Variants in EHHADH observed in about 807,000 individuals in gnomAD.
EHHADH encodes the protein enoyl-CoA hydratase and 3-hydroxyacyl CoA dehydrogenase, also known as peroxisomal bifunctional enzyme.
EHHADH carries 48 observed loss-of-function variants against 64.4 expected under a neutral mutation model. That is an observed-to-expected ratio of 0.75 (90% CI 0.59 to 0.95). The LOEUF is 0.95. Ranked by LOEUF, EHHADH falls within the 40% of genes least tolerant of loss-of-function variation. The pLI is 0.00. For synonymous variants in EHHADH, 308 were observed against 326.7 expected (o/e 0.94, Z 0.62); for missense variants, 854 against 876.6 (o/e 0.97, Z 0.33).
At chr3:185,194,800 CAAAAAAAAAAAAAAA>C (rs34093153) in intron 6 of EHHADH, among the ~76,000 whole-genome samples, 1 of 29,302 alleles carries the variant, frequency 3.4e-5, no homozygotes, top group Non-Finnish European at 6.3e-5. Context: ...GACCCTGTCT[CAAAAAAAAAAAAAAA>C]AAAAAAAAAA....
chr3:185,207,014 A>G (rs2108631357), intron 5 of EHHADH, among the ~76,000 whole-genome samples: 1 of 151,518 alleles, frequency 6.6e-6, no homozygotes, highest in South Asian at 2.1e-4. Context: ...TTGGCTGGGC[A>G]CAGTAGCCCA....
chr3:185,220,909 T>A (rs757549083), intron 4 of EHHADH, among the ~76,000 whole-genome samples: 3 of 152,252 alleles, frequency 2.0e-5, no homozygotes, highest in Admixed American at 6.5e-5. Flanking sequence ...TTCCTAAAAT[T>A]GTGCAGACTA....
chr3:185,244,834 C>T (rs911920725), intron 2 of EHHADH, among the ~76,000 whole-genome samples: 1 of 152,170 alleles, frequency 6.6e-6, no homozygotes, highest in Admixed American at 6.5e-5. Context: ...AACTTCTATC[C>T]TCCAGAGCAA....
intron 5 of EHHADH, among the ~76,000 whole-genome samples, chr3:185,214,874 C>A (rs1054113766): frequency 2.6e-5 from 4 of 152,104 alleles, no homozygotes; most frequent in African/African-American, 4.8e-5. Flanking sequence ...GTGAGTATTA[C>A]TGTATACAAA....
chr3:185,218,079 T>G, intron 5 of EHHADH, 57 bp downstream of exon 5: 1 of 1,318,748 alleles, frequency 7.6e-7, no homozygotes, highest in Non-Finnish European at 1.1e-6. Flanking sequence ...GTTTCTTATT[T>G]AAATGAACAT....
At chr3:185,203,079 TA>T (rs11322724) in intron 6 of EHHADH, among the ~76,000 whole-genome samples, 104,190 of 150,970 alleles carry the variant, frequency 0.69, 38,112 homozygotes, top group Non-Finnish European at 0.82. Context: ...TAAAGATGGT[TA>T]AAAAAAAAGA....
intron 6 of EHHADH, among the ~76,000 whole-genome samples, chr3:185,200,806 G>C (rs1477280365): frequency 6.6e-6 from 1 of 152,110 alleles, no homozygotes; most frequent in Non-Finnish European, 1.5e-5. Flanking sequence ...GAACTTGCAG[G>C]GTTACTAATC....
intron 5 of EHHADH, among the ~76,000 whole-genome samples, chr3:185,212,435 A>G (rs1002949039): frequency 6.6e-6 from 1 of 152,204 alleles, no homozygotes; most frequent in African/African-American, 2.4e-5. Context: ...TTAACCTTCT[A>G]CACTCCCTTC....
chr3:185,197,222 T>C lies in EHHADH; in HGVS notation c.911-3735A>G, dbSNP rs138885388. Among the ~76,000 whole-genome samples the C allele has an allele frequency of 3.4e-3, 517 of 152,298 alleles. 6 individuals carry two copies. The highest frequency in any genetic ancestry group is 0.011 in the African/African-American group (469 of 41,548). On this transcript the variant is annotated intron_variant, in intron 6 of 6. Coordinates refer to ENST00000231887, the MANE Select transcript of EHHADH (RefSeq NM_001966.4). ...TTGATGTGACAATGGTTGCATAAACTCTGTCAATATCTAACAACCATTGAA... is the reference window on the plus strand; with the variant it reads ...TTGATGTGACAATGGTTGCATAAACCCTGTCAATATCTAACAACCATTGAA...
chr3:185,244,327 G>A (rs1719536291), intron 2 of EHHADH, among the ~76,000 whole-genome samples: 1 of 152,034 alleles, frequency 6.6e-6, no homozygotes, highest in African/African-American at 2.4e-5. Context: ...GAGGATTTAG[G>A]CCATTTATGT....
rs773036775 is a variant in EHHADH, at chr3:185,192,257, C to T, written c.2141G>A (p.Ser714Asn). Residue 714 changes from serine (S) to asparagine (N), a missense_variant, in exon 7 of 7, where the codon AGC becomes AAC. Coordinates refer to ENST00000231887, the MANE Select transcript of EHHADH (RefSeq NM_001966.4). Reference sequence around the variant, plus strand: ...TTTACTGCTAGGGGAGCCTGCCAAGCTTTGCCATTCTTTCAGGGGAGGGTT... The same window carrying T: ...TTTACTGCTAGGGGAGCCTGCCAAGTTTTGCCATTCTTTCAGGGGAGGGTT... ...QGNPPLKEWQSLAGSPSSKL is the reference protein window; with the variant it reads ...QGNPPLKEWQNLAGSPSSKL 2.5e-6 allele frequency: 4 copies of T among 1,613,754 alleles called. No individual in the cohort carries two copies. The African/African-American group carries it at 5.3e-5, about 22-fold the overall frequency.
chr3:185,193,223 A>T lies in EHHADH; in HGVS notation c.1175T>A (p.Val392Asp). 6.2e-7 allele frequency: 1 copy of T among 1,607,678 alleles called. No homozygotes were observed. Among genetic ancestry groups the T allele is most frequent in the Non-Finnish European group, 8.5e-7 (1 of 1,177,696 alleles). The change falls in exon 7 of 7, where the codon GTC becomes GAC. Residue 392 changes from valine to aspartate, a missense_variant. Val to Asp is a radical substitution (Grantham distance 152, BLOSUM62 -3). Transcript: ENST00000231887. Reference sequence around the variant, plus strand: ...GCACACAGCTGAGAGTTCAGCAAAGACCTGCTTCTTCAGGCTCATTTCCTC... The same window carrying T: ...GCACACAGCTGAGAGTTCAGCAAAGTCCTGCTTCTTCAGGCTCATTTCCTC... ...VFEEMSLKKQ[V>D]FAELSAVCKP...
intron 6 of EHHADH, among the ~76,000 whole-genome samples, chr3:185,203,419 T>C (rs980498533): frequency 1.3e-5 from 2 of 152,200 alleles, no homozygotes; most frequent in African/African-American, 4.8e-5. Context: ...ATGCTTTTAG[T>C]AAACTATGGA....
At chr3:185,229,085 TGC>T (rs1719082492) in intron 4 of EHHADH, among the ~76,000 whole-genome samples, 2 of 152,192 alleles carry the variant, frequency 1.3e-5, no homozygotes, top group African/African-American at 4.8e-5. Context: ...CATGAGCCAC[TGC>T]GTGCGGCCTA....
intron 2 of EHHADH, among the ~76,000 whole-genome samples, chr3:185,241,061 G>A (rs1451275381): frequency 6.7e-6 from 1 of 149,488 alleles, no homozygotes. Context: ...TACAATATTT[G>A]GTTTTCCATT....
intron 2 of EHHADH, among the ~76,000 whole-genome samples, chr3:185,237,340 C>T (rs1719322147): frequency 6.6e-6 from 1 of 151,822 alleles, no homozygotes; most frequent in Non-Finnish European, 1.5e-5. Flanking sequence ...TTTTTCATTC[C>T]TTATATCTTT....
chr3:185,230,173 G>A (rs573693444), intron 3 of EHHADH, among the ~76,000 whole-genome samples: 8 of 152,174 alleles, frequency 5.3e-5, no homozygotes, highest in Non-Finnish European at 1.0e-4. Flanking sequence ...ACAATAACAG[G>A]TGTTGGAGAG....
chr3:185,204,118 A>G (rs1718304890), intron 6 of EHHADH, among the ~76,000 whole-genome samples: 1 of 146,210 alleles, frequency 6.8e-6, no homozygotes, highest in Admixed American at 6.8e-5. Context: ...GGGTGACAGA[A>G]CAAGACTCTG....
intron 2 of EHHADH, among the ~76,000 whole-genome samples, chr3:185,245,119 A>G (rs1393923607): frequency 1.3e-5 from 2 of 151,238 alleles, no homozygotes; most frequent in Non-Finnish European, 3.0e-5. Context: ...AATTTTGAGA[A>G]GCTATTTTTT....
Sources: allele counts gnomAD v4.1 joint callset (sites outside exome capture counted in the v4.1 genomes callset), GRCh38; gene constraint gnomAD v4.1.1; transcripts MANE v1.5; gene names NCBI Gene and HGNC (gene_info 2026-07-23, HGNC 2026-07-21).